SPON1: variants seen among roughly 807,000 people sequenced by gnomAD.
SPON1 encodes spondin 1, also known as spondin-1.
A neutral mutation model predicts 111.7 loss-of-function variants in SPON1; 52 were observed. That is an observed-to-expected ratio of 0.47 (90% CI 0.37 to 0.59). The LOEUF (loss-of-function observed/expected upper bound fraction) is 0.59, where lower values mean the gene tolerates loss of function less well. SPON1 is among the 20% of genes least tolerant of loss of function. The pLI is 0.00. For synonymous variants in SPON1, 410 were observed against 395.8 expected (o/e 1.04, Z -0.43); for missense variants, 957 against 1,068.5 (o/e 0.90, Z 1.46).
chr11:14,240,725 A>G (rs1302949215), intron 6 of SPON1, among the ~76,000 whole-genome samples: 1 of 152,070 alleles, frequency 6.6e-6, no homozygotes, highest in Non-Finnish European at 1.5e-5. Context: ...CTGCATGGCC[A>G]GCTAACTTGG....
chr11:14,007,747 A>G (rs1848373447), intron 2 of SPON1, among the ~76,000 whole-genome samples: 1 of 152,086 alleles, frequency 6.6e-6, no homozygotes, highest in Non-Finnish European at 1.5e-5. Flanking sequence ...CCCAGCTCCT[A>G]ACAGGCCACA....
intron 2 of SPON1, among the ~76,000 whole-genome samples, chr11:14,032,975 C>T (rs1848569930): frequency 6.6e-6 from 1 of 152,174 alleles, no homozygotes; most frequent in Non-Finnish European, 1.5e-5. Flanking sequence ...CACCACTATC[C>T]CTGATAGGAA....
At chr11:14,240,831 G>A (rs1403300994) in intron 6 of SPON1, among the ~76,000 whole-genome samples, 1 of 152,020 alleles carries the variant, frequency 6.6e-6, no homozygotes, top group Non-Finnish European at 1.5e-5. Flanking sequence ...TCATTACCAG[G>A]ATCTGATATC....
intron 2 of SPON1, among the ~76,000 whole-genome samples, chr11:14,040,432 C>T (rs1479039085): frequency 6.6e-6 from 1 of 151,968 alleles, no homozygotes; most frequent in African/African-American, 2.4e-5. Flanking sequence ...CTCAGAACAA[C>T]ACAAATACTT....
chr11:14,100,899 T>C (rs1554924322), intron 5 of SPON1, among the ~76,000 whole-genome samples: 1 of 152,222 alleles, frequency 6.6e-6, no homozygotes. Context: ...ACACTTTGTT[T>C]TCCATTGTCC....
intron 6 of SPON1, among the ~76,000 whole-genome samples, chr11:14,235,209 C>T (rs1554939098): frequency 6.6e-6 from 1 of 152,228 alleles, no homozygotes; most frequent in African/African-American, 2.4e-5. Flanking sequence ...TGCCCACGGA[C>T]TGGGCCTCGG....
chr11:14,119,368 T>C (rs1181877490), intron 5 of SPON1, among the ~76,000 whole-genome samples: 1 of 152,126 alleles, frequency 6.6e-6, no homozygotes, highest in Non-Finnish European at 1.5e-5. Context: ...GAGAGGTGTA[T>C]AGAATGAGTC....
chr11:14,257,143 T>C (rs1849117948), intron 10 of SPON1, among the ~76,000 whole-genome samples: 1 of 152,208 alleles, frequency 6.6e-6, no homozygotes, highest in Non-Finnish European at 1.5e-5. Context: ...GGACTCTCAG[T>C]AGACATGTGA....
At chr11:13,998,473 C>T (rs941024968) in intron 2 of SPON1, among the ~76,000 whole-genome samples, 2 of 152,242 alleles carry the variant, frequency 1.3e-5, no homozygotes, top group Non-Finnish European at 2.9e-5. Context: ...CTGACATTCA[C>T]ATTTTCCTTT....
At chr11:14,047,597 G>A (rs1554917958) in intron 3 of SPON1, among the ~76,000 whole-genome samples, 1 of 152,186 alleles carries the variant, frequency 6.6e-6, no homozygotes, top group African/African-American at 2.4e-5. Flanking sequence ...AGAGTTCAGA[G>A]AGGAGATGAA....
At chr11:14,019,866 TG>T (rs1554914626) in intron 2 of SPON1, among the ~76,000 whole-genome samples, 1 of 152,040 alleles carries the variant, frequency 6.6e-6, no homozygotes. Flanking sequence ...AGGAGGATAG[TG>T]GGGGAAAACA....
At chr11:14,223,219 G>A (rs571128032) in intron 6 of SPON1, among the ~76,000 whole-genome samples, 1 of 152,088 alleles carries the variant, frequency 6.6e-6, no homozygotes, top group Non-Finnish European at 1.5e-5. Context: ...ACAAAAATTA[G>A]CCAGTGTGGT....
intron 2 of SPON1, among the ~76,000 whole-genome samples, chr11:14,020,919 A>G (rs1005543814): frequency 1.3e-5 from 2 of 152,220 alleles, no homozygotes. Context: ...AGGAATAAGG[A>G]TGCAGATATA....
intron 2 of SPON1, among the ~76,000 whole-genome samples, chr11:13,987,134 A>G (rs969981308): frequency 1.3e-5 from 2 of 152,198 alleles, no homozygotes; most frequent in Non-Finnish European, 2.9e-5. Flanking sequence ...TTGAGGAATC[A>G]CTACACTGTC....
chr11:14,244,964 C>T (rs1848972588), intron 7 of SPON1, among the ~76,000 whole-genome samples: 1 of 152,196 alleles, frequency 6.6e-6, no homozygotes, highest in Non-Finnish European at 1.5e-5. Flanking sequence ...TGATTTTGCT[C>T]ATCCTTTAAA....
intron 6 of SPON1, among the ~76,000 whole-genome samples, chr11:14,162,357 G>A (rs1847976613): frequency 6.6e-6 from 1 of 152,120 alleles, no homozygotes; most frequent in Non-Finnish European, 1.5e-5. Flanking sequence ...ATAACCTAAA[G>A]AAGAATGTGT....
chr11:14,025,902 CT>C (rs1412829246), intron 2 of SPON1, among the ~76,000 whole-genome samples: 4 of 152,164 alleles, frequency 2.6e-5, no homozygotes, highest in Non-Finnish European at 5.9e-5. Context: ...GTTCCTTTGC[CT>C]GTTTCTCTCT....
intron 3 of SPON1, among the ~76,000 whole-genome samples, chr11:14,065,449 A>T (rs150010614): frequency 1.4e-3 from 214 of 152,298 alleles, no homozygotes; most frequent in African/African-American, 5.0e-3. Context: ...CCAGCCACGG[A>T]GCAGCAAGGA....
In SPON1 at chr11:13,994,365, A is replaced by C. The variant is rs947521886; in HGVS notation, c.345+11412A>C. ...TTGTTCACTAGGACAGGTTCCTAGA[A>C]GTATAATCACAAATGCAAAGGATAT... On this transcript the variant is annotated intron_variant, in intron 2 of 15. Coordinates refer to ENST00000576479, the MANE Select transcript of SPON1 (RefSeq NM_006108.4). Among the ~76,000 whole-genome samples, 32 of 152,362 alleles carry C rather than the reference A, an allele frequency of 2.1e-4. 1 individual carries two copies. In the Middle Eastern group the frequency reaches 0.01, roughly 49 times the overall value.
Sources: allele counts gnomAD v4.1 joint callset (sites outside exome capture counted in the v4.1 genomes callset), GRCh38; gene constraint gnomAD v4.1.1; transcripts MANE v1.5; gene names NCBI Gene and HGNC (gene_info 2026-07-23, HGNC 2026-07-21).